Variants in POM121C observed in about 807,000 individuals in gnomAD.
POM121C encodes POM121 transmembrane nucleoporin C, also known as nuclear envelope pore membrane protein POM 121C.
POM121C carries 20 observed loss-of-function variants against 66.4 expected under a neutral mutation model. The ratio of observed to expected loss-of-function variants is 0.30; its 90% confidence interval spans 0.21 to 0.44. POM121C has a LOEUF of 0.44. Among genes scored for constraint, POM121C ranks in the 20% least tolerant of loss-of-function variants. POM121C has a pLI of 1.00. For synonymous variants in POM121C, 286 were observed against 528.0 expected, an observed-to-expected ratio of 0.54 and a Z score of 6.28; for missense variants, 580 against 1,225.7, an observed-to-expected ratio of 0.47 and a Z score of 7.87.
intron 3 of POM121C, among the ~76,000 whole-genome samples, chr7:75,462,624 G>C (rs1248059186): frequency 1.3e-5 from 2 of 152,054 alleles, no homozygotes; most frequent in African/African-American, 4.8e-5. Flanking sequence ...TTGTTTTCCC[G>C]TTCTCAGCTG....
intron 7 of POM121C, among the ~76,000 whole-genome samples, chr7:75,434,201 C>T (rs781971887): frequency 8.6e-5 from 13 of 152,046 alleles, no homozygotes; most frequent in Admixed American, 6.6e-4. Flanking sequence ...CTAAGACTCA[C>T]GGAAACAGAA....
At chr7:75,482,083 A>G (rs1161990755) in intron 1 of POM121C, among the ~76,000 whole-genome samples, 19 of 152,020 alleles carry the variant, frequency 1.2e-4, no homozygotes, top group Admixed American at 1.0e-3. Context: ...AATTTTACCA[A>G]GGCATACAAG....
chr7:75,457,711 CAA>C (rs1270898339), intron 3 of POM121C, among the ~76,000 whole-genome samples: 4 of 152,052 alleles, frequency 2.6e-5, no homozygotes, highest in Non-Finnish European at 5.9e-5. Flanking sequence ...CATCCTCTCT[CAA>C]AGACAGTGAG....
intron 7 of POM121C, among the ~76,000 whole-genome samples, chr7:75,434,601 G>A (rs782484603): frequency 2.8e-4 from 19 of 68,582 alleles, no homozygotes; most frequent in Non-Finnish European, 4.4e-4. Flanking sequence ...TTTTTTTTTT[G>A]AGACAGAGTC....
At chr7:75,419,295 G>A in intron 14 of POM121C, 25 bp downstream of exon 14, 2 of 1,601,220 alleles carry the variant, frequency 1.2e-6, no homozygotes, top group South Asian at 1.1e-5. Flanking sequence ...AGACGAGCAG[G>A]GCCACAGGGT....
At chr7:75,429,996 C>A (rs1554472150) in intron 7 of POM121C, among the ~76,000 whole-genome samples, 1 of 152,176 alleles carries the variant, frequency 6.6e-6, no homozygotes, top group African/African-American at 2.4e-5. Flanking sequence ...CAGAGCAAGA[C>A]CCCTTGTCTC....
At chr7:75,436,015 C>A (rs1461525956) in intron 7 of POM121C, among the ~76,000 whole-genome samples, 1 of 150,388 alleles carries the variant, frequency 6.6e-6, no homozygotes, top group Admixed American at 6.6e-5. Flanking sequence ...CGCACCACTG[C>A]GCTCCAGCGT....
At chr7:75,442,545 C>T (rs1465246250) in intron 3 of POM121C, 1 of 1,456,296 alleles carries the variant, frequency 6.9e-7, no homozygotes, top group Non-Finnish European at 9.0e-7. Flanking sequence ...GTCCCCACGG[C>T]CAGCCAGGCC....
chr7:75,475,060 A>C lies in POM121C; in HGVS notation c.-331+2T>G. On this transcript the variant is annotated splice_donor_variant, in intron 2 of 14. Coordinates refer to ENST00000615331, the MANE Select transcript of POM121C (RefSeq NM_001099415.3). LOFTEE classifies it low-confidence loss of function (5UTR_SPLICE). ...AGCATTCAGAAAGCAAGCTATCCTC[A>C]CCCAAGGAAACTAGATGGCTGTAGT... The C allele has an allele frequency of 1.5e-6, 2 of 1,363,276 alleles. No individual in the cohort carries two copies. Among genetic ancestry groups the C allele is most frequent in the Non-Finnish European group, 2.1e-6 (2 of 956,004 alleles). 84.4% of individuals were successfully genotyped at this position (1,363,276 alleles called of 1,614,324 possible).
In POM121C at chr7:75,484,325, T is replaced by A. The variant is rs1792424942; in HGVS notation, c.-458+1539A>T. The A allele has an allele frequency of 2.6e-5, 24 of 910,610 alleles. No homozygotes were observed. The South Asian group carries it at 3.2e-4, about 12-fold the overall frequency. 56.4% of individuals were successfully genotyped at this position (910,610 alleles called of 1,614,324 possible). A position where few individuals can be genotyped will look rare whatever the true frequency, so the allele number is the denominator to read the frequency against. On this transcript the variant is annotated intron_variant, in intron 1 of 14. Coordinates refer to ENST00000615331, the MANE Select transcript of POM121C (RefSeq NM_001099415.3). The stretch of plus-strand genomic sequence containing the variant: ...CCTGCAAAGGCAGAAATCACCTGCA[T>A]AAGAACCGCAAAAGAAAGCTCAATA...
At chr7:75,433,837 A>G (rs1234764551) in intron 7 of POM121C, among the ~76,000 whole-genome samples, 1 of 152,234 alleles carries the variant, frequency 6.6e-6, no homozygotes, top group Non-Finnish European at 1.5e-5. Context: ...CAGCTCCCTG[A>G]AAAGATAACA....
intron 3 of POM121C, among the ~76,000 whole-genome samples, chr7:75,466,136 C>T (rs1213411960): frequency 1.1e-4 from 16 of 148,508 alleles, no homozygotes; most frequent in African/African-American, 3.5e-4. Flanking sequence ...AAAAAAAAAA[C>T]GTCAAATCCT....
intron 3 of POM121C, among the ~76,000 whole-genome samples, chr7:75,446,367 TAG>T (rs1790812927): frequency 1.3e-5 from 2 of 151,456 alleles, no homozygotes; most frequent in Admixed American, 1.3e-4. Context: ...GTATTTTTAG[TAG>T]AGACTGGGTT....
chr7:75,439,139 C>G lies in POM121C; in HGVS notation c.308+5G>C, dbSNP rs186609183. Reference sequence around the variant, plus strand: ...GGTATTTCATCTGGATGGACTCGCACTTACTTAGGCACAAAAGAAGCGGGG... The same window carrying G: ...GGTATTTCATCTGGATGGACTCGCAGTTACTTAGGCACAAAAGAAGCGGGG... On this transcript the variant is annotated splice_donor_5th_base_variant and intron_variant, in intron 6 of 14. Transcript: ENST00000615331. 1.7e-5 allele frequency: 28 copies of G among 1,614,220 alleles called. No individual in the cohort carries two copies. Among genetic ancestry groups the G allele is most frequent in the Non-Finnish European group, 2.2e-5 (26 of 1,180,020 alleles).
intron 7 of POM121C, among the ~76,000 whole-genome samples, chr7:75,435,850 G>A (rs1346004567): frequency 6.6e-6 from 1 of 152,214 alleles, no homozygotes; most frequent in Admixed American, 6.5e-5. Flanking sequence ...ATGAGTTCCA[G>A]GCCAGCCTGG....
chr7:75,446,822 C>A (rs1425196664), intron 3 of POM121C, among the ~76,000 whole-genome samples: 1 of 151,118 alleles, frequency 6.6e-6, no homozygotes, highest in Non-Finnish European at 1.5e-5. Context: ...ATCCTGGCTA[C>A]CACGGTGAAA....
rs1792529174 is a variant in POM121C at position 75,486,016 on chromosome 7, A to T, written c.-610T>A. On this transcript the variant is annotated 5_prime_UTR_variant, in exon 1 of 15. Transcript: ENST00000615331. ...GGGGCCCGGGCCGGGCCTACGGGGC[A>T]AATCCAGGCGGGTGTCCTTCTCGGG... 2 of 474,676 alleles carry T rather than the reference A, an allele frequency of 4.2e-6. No homozygotes were observed. Among genetic ancestry groups the T allele is most frequent in the Non-Finnish European group, 8.3e-6 (2 of 240,060 alleles). 29.4% of individuals were successfully genotyped at this position (474,676 alleles called of 1,614,324 possible).
intron 1 of POM121C, among the ~76,000 whole-genome samples, chr7:75,481,576 T>C (rs1224364279): frequency 6.6e-6 from 1 of 152,170 alleles, no homozygotes; most frequent in Non-Finnish European, 1.5e-5. Context: ...CTCATGCCTA[T>C]AATCCCAACA....
Position 75,424,364 on chromosome 7 carries a change from G to A in POM121C, c.872-139C>T, listed in dbSNP as rs587641036. ...CAGTAGTCCCTGCTGTCCAGTTCCC[G>A]TGAAGACCAACACGGATATCTCAGG... On this transcript the variant is annotated intron_variant, in intron 11 of 14. Transcript: ENST00000615331. The A allele has an allele frequency of 1.8e-3, 2,157 of 1,205,264 alleles. 7 individuals carry two copies. Among genetic ancestry groups the A allele is most frequent in the Non-Finnish European group, 2.3e-3 (1,894 of 836,340 alleles). 74.7% of individuals were successfully genotyped at this position (1,205,264 alleles called of 1,614,324 possible).
Sources: gnomAD v4.1 joint callset for allele counts (sites outside exome capture counted in the v4.1 genomes callset) on GRCh38, gnomAD v4.1.1 for gene constraint, MANE v1.5 for transcripts, NCBI Gene and HGNC (gene_info 2026-07-23, HGNC 2026-07-21) for gene names.